CTDSPL2: variants seen among roughly 807,000 people sequenced by gnomAD.
CTDSPL2 encodes CTD small phosphatase-like protein 2.
In CTDSPL2, 5 loss-of-function variants were observed where a neutral mutation model predicts 60.0. The observed-to-expected ratio is 0.08, with a 90% CI of 0.04 to 0.18. The LOEUF is 0.18. Among genes scored for constraint, CTDSPL2 ranks in the 10% least tolerant of loss-of-function variants. The probability of loss-of-function intolerance (pLI) is 1.00; values close to 1 mark genes in which losing one functional copy is unlikely to be tolerated. For synonymous variants in CTDSPL2, 186 were observed against 189.3 expected, an observed-to-expected ratio of 0.98 and a Z score of 0.14; for missense variants, 370 against 548.8, an observed-to-expected ratio of 0.67 and a Z score of 3.26.
intron 8 of CTDSPL2, among the ~76,000 whole-genome samples, chr15:44,511,867 CAAAAAA>C (rs68063380): frequency 5.6e-4 from 17 of 30,622 alleles, no homozygotes; most frequent in African/African-American, 9.7e-4. Flanking sequence ...GACGGTCTCG[CAAAAAA>C]AAAAAAAAAA....
At chr15:44,487,863 C>T (rs2081147928) in intron 4 of CTDSPL2, among the ~76,000 whole-genome samples, 1 of 152,112 alleles carries the variant, frequency 6.6e-6, no homozygotes, top group East Asian at 1.9e-4. Context: ...TACCTGTAAT[C>T]ACAGCACTTT....
chr15:44,438,065 C>T (rs1418971768), intron 1 of CTDSPL2, among the ~76,000 whole-genome samples: 1 of 152,068 alleles, frequency 6.6e-6, no homozygotes, highest in Non-Finnish European at 1.5e-5. Context: ...GAGATTAAGA[C>T]CATCCTGGCT....
chr15:44,496,525 G>A, intron 6 of CTDSPL2, 67 bp downstream of exon 6: 2 of 1,191,868 alleles, frequency 1.7e-6, no homozygotes, highest in Non-Finnish European at 2.5e-6. Flanking sequence ...TATATATGTG[G>A]ATTGGTGGCT....
chr15:44,469,534 G>T (rs575265598), intron 2 of CTDSPL2, among the ~76,000 whole-genome samples: 1 of 150,854 alleles, frequency 6.6e-6, no homozygotes, highest in South Asian at 2.1e-4. Flanking sequence ...CATTTTTCTT[G>T]TGATTTATTT....
intron 2 of CTDSPL2, among the ~76,000 whole-genome samples, chr15:44,473,014 AT>A (rs1483386254): frequency 6.6e-6 from 1 of 151,934 alleles, no homozygotes; most frequent in Non-Finnish European, 1.5e-5. Flanking sequence ...CCAGGCTGAT[AT>A]CAAACTCCTG....
intron 7 of CTDSPL2, among the ~76,000 whole-genome samples, chr15:44,498,203 AG>A (rs1464037757): frequency 5.9e-5 from 9 of 152,332 alleles, no homozygotes; most frequent in East Asian, 5.8e-4. Flanking sequence ...TCTTGATATT[AG>A]TAAAAATGTA....
intron 10 of CTDSPL2, among the ~76,000 whole-genome samples, chr15:44,515,909 GGTTC>G (rs905442280): frequency 1.3e-5 from 2 of 151,078 alleles, no homozygotes; most frequent in African/African-American, 4.9e-5. Context: ...TTGGTTGGTT[GGTTC>G]GTTCGTTCTT....
chr15:44,449,763 A>G (rs1422659759), intron 1 of CTDSPL2, among the ~76,000 whole-genome samples: 1 of 151,670 alleles, frequency 6.6e-6, no homozygotes, highest in East Asian at 2.0e-4. Flanking sequence ...GCTGAGAAGG[A>G]TGAATCACTT....
At chr15:44,498,587 AT>A (rs1384556828) in intron 7 of CTDSPL2, among the ~76,000 whole-genome samples, 1 of 150,786 alleles carries the variant, frequency 6.6e-6, no homozygotes, top group Non-Finnish European at 1.5e-5. Flanking sequence ...TCTCATTTCA[AT>A]TTTAAAAGGA....
At chr15:44,440,582 G>C (rs906959191) in intron 1 of CTDSPL2, among the ~76,000 whole-genome samples, 3 of 152,004 alleles carry the variant, frequency 2.0e-5, no homozygotes, top group African/African-American at 7.3e-5. Flanking sequence ...ATGGTTATTT[G>C]CGTCTTTTTT....
chr15:44,471,525 C>T (rs1190892151), intron 2 of CTDSPL2, among the ~76,000 whole-genome samples: 1 of 152,118 alleles, frequency 6.6e-6, no homozygotes, highest in African/African-American at 2.4e-5. Context: ...AGGCCATCAA[C>T]GTATCTGTCA....
chr15:44,473,910 TG>T (rs1237357518), intron 2 of CTDSPL2, among the ~76,000 whole-genome samples: 1 of 152,322 alleles, frequency 6.6e-6, no homozygotes, highest in South Asian at 2.1e-4. Flanking sequence ...TAACCTGCAT[TG>T]TTTTAACTTC....
intron 1 of CTDSPL2, chr15:44,449,142 G>A (rs772635062): frequency 5.5e-5 from 17 of 310,170 alleles, no homozygotes; most frequent in Non-Finnish European, 9.7e-5. Flanking sequence ...AGGTGGGATA[G>A]TAATCATTTC....
chr15:44,505,638 A>G (rs1002428125), intron 8 of CTDSPL2, among the ~76,000 whole-genome samples: 38 of 151,544 alleles, frequency 2.5e-4, no homozygotes, highest in African/African-American at 9.0e-4. Context: ...GGAGGCTGAG[A>G]CGGGAGAATT....
chr15:44,528,751 G>T lies in CTDSPL2; in HGVS notation c.*4577G>T, dbSNP rs377197611. ...CTATTTTTTTATTTTATAAATCTTT[G>T]TAGAAATAAGCAATGAAATACTACT... On this transcript the variant is annotated 3_prime_UTR_variant, in exon 13 of 13. Coordinates refer to ENST00000260327, the MANE Select transcript of CTDSPL2 (RefSeq NM_016396.3). 9.9e-5 allele frequency: 15 copies of T among 151,942 alleles called. No individual in the cohort carries two copies. The South Asian group carries it at 2.1e-3, about 21-fold the overall frequency. The allele number at this position is 151,942 out of a possible 1,614,324, so 9.4% of individuals were successfully genotyped here.
intron 1 of CTDSPL2, chr15:44,448,527 T>G (rs1261029226): frequency 3.7e-6 from 1 of 269,540 alleles, no homozygotes; most frequent in Non-Finnish European, 7.3e-6. Context: ...TGCTTTGTAG[T>G]GATCTTCCCT....
At chr15:44,428,211 T>C (rs1251998636) in intron 1 of CTDSPL2, 1 of 152,294 alleles carries the variant, frequency 6.6e-6, no homozygotes, top group Non-Finnish European at 1.5e-5. Flanking sequence ...TCTCAGTTCT[T>C]ATAAACACCT....
intron 2 of CTDSPL2, among the ~76,000 whole-genome samples, chr15:44,460,820 A>G (rs1401599798): frequency 1.3e-5 from 2 of 152,234 alleles, no homozygotes; most frequent in Admixed American, 6.5e-5. Context: ...ATGTTATCAT[A>G]TAACAAAGAT....
At chr15:44,471,365 T>C (rs548897705) in intron 2 of CTDSPL2, among the ~76,000 whole-genome samples, 1 of 152,332 alleles carries the variant, frequency 6.6e-6, no homozygotes, top group South Asian at 2.1e-4. Flanking sequence ...TATTGAGATA[T>C]AATTTATATA....
Sources: allele counts gnomAD v4.1 joint callset (sites outside exome capture counted in the v4.1 genomes callset), GRCh38; gene constraint gnomAD v4.1.1; transcripts MANE v1.5; gene names NCBI Gene and HGNC (gene_info 2026-07-23, HGNC 2026-07-21).